Variants in HELZ2 observed in about 807,000 individuals in gnomAD.
The protein encoded by HELZ2 is helicase with zinc finger 2.
Under a neutral mutation model 208.8 loss-of-function variants are expected in HELZ2, and 143 were observed. The ratio of observed to expected loss-of-function variants is 0.68; its 90% CI spans 0.60 to 0.79. The LOEUF (loss-of-function observed/expected upper bound fraction) is 0.79, where lower values mean the gene tolerates loss of function less well. HELZ2 is among the 30% of genes least tolerant of loss of function. The probability of loss-of-function intolerance (pLI) is 0.00; values close to 1 mark genes in which losing one functional copy is unlikely to be tolerated. For missense variants in HELZ2, 3,690 were observed against 3,794.5 expected (o/e 0.97, Z 0.72); for synonymous variants, 1,705 against 1,693.7 (o/e 1.01, Z -0.16).
chr20:63,562,161 G>C (rs747587202), exon 10 of HELZ2: 1 of 1,612,046 alleles, frequency 6.2e-7, no homozygotes, highest in Non-Finnish European at 8.5e-7. Context: ...GCGGCCTCCG[G>C]GGATGTTGTA....
At chr20:63,569,063 C>A in intron 4 of HELZ2, 64 bp from the exon 6 acceptor site, 1 of 1,590,376 alleles carries the variant, frequency 6.3e-7, no homozygotes. Flanking sequence ...CAAGTCCACG[C>A]CCCCATCCGC....
At chr20:63,561,680 C>T (rs752914368) in exon 12 of HELZ2, 4 of 1,612,460 alleles carry the variant, frequency 2.5e-6, no homozygotes, top group East Asian at 2.2e-5. Context: ...ACTGGGAACT[C>T]GCTGGCCTCA....
chr20:63,570,657 A>G, intron 2 of HELZ2, 28 bp downstream of exon 3: 1 of 825,760 alleles, frequency 1.2e-6, no homozygotes, highest in Non-Finnish European at 1.6e-6. Flanking sequence ...ACCCCACCCC[A>G]CCCCACCCAC....
At chr20:63,569,651 G>A (rs757842487) in exon 4 of HELZ2, 11 of 1,534,080 alleles carry the variant, frequency 7.2e-6, no homozygotes, top group Admixed American at 6.0e-5. Flanking sequence ...GCAGGGCCAC[G>A]TGTAGCAGGG....
chr20:63,562,647 G>A (rs143745174), exon 8 of HELZ2: 145 of 1,594,758 alleles, frequency 9.1e-5, no homozygotes, highest in Non-Finnish European at 1.1e-4. Context: ...GCCTCCTGCC[G>A]GTCTGCCCGG....
exon 4 of HELZ2, chr20:63,569,222 T>C (rs1741594): frequency 0.91 from 1,405,982 of 1,552,936 alleles, 637,740 homozygotes; most frequent in East Asian, 1. Context: ...AGTTGGTTGG[T>C]GAGATGGGGC....
chr20:63,564,251 A>G (rs2082922707), exon 8 of HELZ2: 3 of 1,611,694 alleles, frequency 1.9e-6, no homozygotes, highest in African/African-American at 2.7e-5. Flanking sequence ...CTCCTTCACC[A>G]TGATGTGGGC....
chr20:63,572,210 C>T (rs1446620034), exon 1 of HELZ2: 5 of 1,604,766 alleles, frequency 3.1e-6, no homozygotes, highest in Admixed American at 1.7e-5. Context: ...CGAGGATGCG[C>T]AGTGGTTCTC....
intron 13 of HELZ2, 25 bp from the exon 15 acceptor site, chr20:63,561,299 C>T (rs1402219462): frequency 6.2e-7 from 1 of 1,612,402 alleles, no homozygotes; most frequent in East Asian, 2.2e-5. Flanking sequence ...GCTTGTCACC[C>T]CAGGGCCCCC....
exon 17 of HELZ2, chr20:63,560,285 G>C: frequency 6.4e-7 from 1 of 1,562,786 alleles, no homozygotes; most frequent in Non-Finnish European, 8.6e-7. Context: ...ATGTCCTGGG[G>C]CTCTACGGTC....
rs1456907375 is a variant in HELZ2, at chr20:63,567,421, G to A, written c.1937C>T (p.Thr646Ile). 6 of 1,573,580 alleles carry A rather than the reference G, an allele frequency of 3.8e-6. No individual in the cohort carries two copies. The highest frequency in any genetic ancestry group is 1.7e-4 in the Middle Eastern group (1 of 6,006). Residue 646 changes from threonine (T) to isoleucine (I), a missense_variant, in exon 6 of 19, where the codon ACC (threonine) becomes ATC (isoleucine). Physicochemically the swap from Thr to Ile is moderately conservative, Grantham distance 89 (BLOSUM62 -1). This residue lies in a region of HELZ2 where 1,119 missense variants were observed against 1,193.4 expected (regional missense o/e 0.94). Coordinates refer to ENST00000467148, the Ensembl canonical transcript of HELZ2. ...GAGCTCACGGGCCTGGGAGGTGGTG[G>A]TGACCACCACGCGGTGCCGCGCCAG...
rs569897069 is a variant in HELZ2, at chr20:63,562,813, G to A, written c.6009C>T (p.Phe2003=). The change falls in exon 8 of 19, where the codon TTC becomes TTT. Residue 2003 remains phenylalanine (F), a synonymous_variant. Coordinates refer to ENST00000467148, the Ensembl canonical transcript of HELZ2. ...GCCGGATGCAGAGGTAGCAGCAGCT[G>A]AAGTTGATGTCGGCACAGTTCTCCT... is the stretch of plus-strand genomic sequence containing the variant. The A allele has an allele frequency of 2.6e-5, 42 of 1,610,604 alleles. No homozygotes were observed. The African/African-American group carries it at 4.1e-4, about 16-fold the overall frequency.
chr20:63,559,715 GAGTC>G (rs1320987805), intron 18 of HELZ2, among the ~76,000 whole-genome samples: 30 of 93,184 alleles, frequency 3.2e-4, no homozygotes, highest in African/African-American at 9.6e-4. Context: ...GGTCAGGTGG[GAGTC>G]AGTCAGGGTC....
At chr20:63,574,142 C>G (rs2083037460), upstream of HELZ2, 1 of 149,150 alleles carries the variant, frequency 6.7e-6, no homozygotes, top group Non-Finnish European at 1.5e-5. Context: ...GCCCCTGGAC[C>G]CCCGCGCCCC....
At chr20:63,567,363 G>A (rs1435336129) in exon 6 of HELZ2, 3 of 1,601,342 alleles carry the variant, frequency 1.9e-6, no homozygotes, top group East Asian at 2.3e-5. Context: ...CCTCATCGAT[G>A]AGAATGTGGG....
At chr20:63,568,375 G>C in exon 5 of HELZ2, 1 of 1,611,032 alleles carries the variant, frequency 6.2e-7, no homozygotes, top group Non-Finnish European at 8.5e-7. Flanking sequence ...TGTGTGTGCA[G>C]ATGAGCACCT....
At position 63,560,086 on chromosome 20, in the gene HELZ2, C is replaced by T. The variant is rs370323326; in HGVS notation, c.7667G>A (p.Trp2556Ter). 8 of 1,598,732 alleles carry T rather than the reference C, an allele frequency of 5.0e-6. No individual in the cohort carries two copies. Among genetic ancestry groups the T allele is most frequent in the Non-Finnish European group, 6.0e-6 (7 of 1,175,948 alleles). ...GACGGTGCTCACCAGCACATAGCGC[C>T]ACTCGCTCCCTGCGGGATGGGAGGT... is the stretch of plus-strand genomic sequence containing the variant. Residue 2556 changes from tryptophan (W) to a stop codon, truncating the protein, a stop_gained, in exon 18 of 19, where the codon TGG becomes TAG. Transcript: ENST00000467148. LOFTEE classifies it high-confidence loss of function.
At chr20:63,570,465 A>G in intron 3 of HELZ2, 39 bp downstream of exon 4, 1 of 1,556,402 alleles carries the variant, frequency 6.4e-7, no homozygotes, top group Non-Finnish European at 8.8e-7. Flanking sequence ...CCACTTCCCC[A>G]GGGCTCCCTC....
intron 3 of HELZ2, 75 bp from the exon 5 acceptor site, chr20:63,569,740 AGCCCAAGT>A: frequency 7.1e-7 from 1 of 1,407,304 alleles, no homozygotes; most frequent in Admixed American, 2.8e-5. Flanking sequence ...TGGCCAGCGT[AGCCCAAGT>A]GCAGGGTTCA....
Sources: gnomAD v4.1 joint callset for allele counts (sites outside exome capture counted in the v4.1 genomes callset) on GRCh38, gnomAD v4.1.1 for gene constraint, gnomAD v4.1.1 regional missense constraint, MANE v1.5 for transcripts, NCBI Gene and HGNC (gene_info 2026-07-23, HGNC 2026-07-21) for gene names.